The following NBPF3 variants were observed in gnomAD, a reference collection of about 807,000 sequenced individuals.
NBPF3 encodes NBPF member 3.
A neutral mutation model predicts 78.1 loss-of-function variants in NBPF3; 57 were observed. The ratio of observed to expected loss-of-function variants is 0.73; its 90% CI spans 0.59 to 0.91. The LOEUF is 0.91. Ranked by LOEUF, NBPF3 falls within the 40% of genes least tolerant of loss-of-function variation. The pLI is 0.00. For missense variants in NBPF3, 510 were observed against 715.3 expected (o/e 0.71, Z 3.27); for synonymous variants, 182 against 271.7 (o/e 0.67, Z 3.25).
intron 2 of NBPF3, among the ~76,000 whole-genome samples, chr1:21,448,304 A>T (rs1187149004): frequency 1.3e-5 from 2 of 151,938 alleles, no homozygotes; most frequent in Admixed American, 6.5e-5. Context: ...TATAAAGGGT[A>T]TAACATGCAT....
chr1:21,447,646 C>T (rs1249214699), intron 2 of NBPF3, among the ~76,000 whole-genome samples: 1 of 152,164 alleles, frequency 6.6e-6, no homozygotes, highest in African/African-American at 2.4e-5. Context: ...TTTATTCATT[C>T]ACTTGGTGAA....
chr1:21,466,539 C>T (rs1259604185), intron 2 of NBPF3, among the ~76,000 whole-genome samples: 1 of 152,240 alleles, frequency 6.6e-6, no homozygotes, highest in African/African-American at 2.4e-5. Context: ...TCTCATACTT[C>T]TCTTGTATAT....
intron 3 of NBPF3, among the ~76,000 whole-genome samples, chr1:21,469,780 C>G (rs770444524): frequency 6.6e-6 from 1 of 152,144 alleles, no homozygotes; most frequent in Non-Finnish European, 1.5e-5. Context: ...GGCACAGGCT[C>G]TTGTTCCTAA....
chr1:21,475,039 C>G, intron 8 of NBPF3, 88 bp downstream of exon 8: 1 of 1,135,692 alleles, frequency 8.8e-7, no homozygotes, highest in Non-Finnish European at 1.3e-6. Flanking sequence ...ATGAATAGAA[C>G]TTTTTATTCC....
At position 21,468,749 on chromosome 1, in the gene NBPF3, C is replaced by T. The variant is rs202194733; in HGVS notation, c.195C>T (p.Ser65=). Residue 65 remains serine, a synonymous_variant, in exon 3 of 15, where the codon TCC becomes TCT. Coordinates refer to ENST00000318249, the MANE Select transcript of NBPF3 (RefSeq NM_032264.6). ...TGGTGGTATCTGCCGGCCCTTGGTC[C>T]GGTGAGAAGGCAGAGATGAACATTC... The part of the protein sequence containing the change: ...VSMVVSAGPW[S]GEKAEMNILE... 17 of 1,613,716 alleles carry T rather than the reference C, an allele frequency of 1.1e-5. No individual in the cohort carries two copies. The African/African-American group carries it at 1.2e-4, about 11-fold the overall frequency.
At chr1:21,470,465 G>T (rs1642523462) in intron 3 of NBPF3, among the ~76,000 whole-genome samples, 167 bp from the exon 4 acceptor site, 1 of 152,224 alleles carries the variant, frequency 6.6e-6, no homozygotes, top group Non-Finnish European at 1.5e-5. Context: ...AGGATCAGCT[G>T]CCAGTAAGTC....
At chr1:21,469,603 T>C (rs1355760870) in intron 3 of NBPF3, among the ~76,000 whole-genome samples, 1 of 152,142 alleles carries the variant, frequency 6.6e-6, no homozygotes, top group African/African-American at 2.4e-5. Flanking sequence ...CGGGCGCCTG[T>C]AATCCCAGCT....
chr1:21,458,836 TC>T (rs1239381320), intron 2 of NBPF3, among the ~76,000 whole-genome samples: 2 of 152,220 alleles, frequency 1.3e-5, no homozygotes, highest in African/African-American at 4.8e-5. Context: ...TGGCAGTAGT[TC>T]CATTAGTGTA....
intron 8 of NBPF3, among the ~76,000 whole-genome samples, chr1:21,477,536 C>G (rs1035152537): frequency 6.6e-6 from 1 of 152,068 alleles, no homozygotes; most frequent in African/African-American, 2.4e-5. Context: ...CCCTCAGCAG[C>G]AGGTCTGGTG....
At chr1:21,448,482 A>G (rs1019007863) in intron 2 of NBPF3, among the ~76,000 whole-genome samples, 3 of 151,974 alleles carry the variant, frequency 2.0e-5, no homozygotes, top group Non-Finnish European at 4.4e-5. Context: ...TTTTCCACGA[A>G]TCTATTTGTG....
intron 2 of NBPF3, chr1:21,449,823 T>C (rs1641200867): frequency 2.6e-6 from 1 of 391,808 alleles, no homozygotes; most frequent in Admixed American, 6.4e-5. Flanking sequence ...GCCACACTCC[T>C]CGCATGCCTG....
At chr1:21,453,281 A>G (rs1451470800) in intron 2 of NBPF3, 2 of 151,996 alleles carry the variant, frequency 1.3e-5, no homozygotes, top group Non-Finnish European at 2.9e-5. Flanking sequence ...GTATCTGGCA[A>G]TAGCTGCATC....
rs200360894 is a variant in NBPF3 at position 21,471,649 on chromosome 1, C to T, written c.527C>T (p.Ser176Phe). Residue 176 changes from serine (S) to phenylalanine (F), a missense_variant, in exon 5 of 15, where the codon TCC (serine) becomes TTC (phenylalanine). Around this residue, in one of 5 missense-constraint regions of NBPF3, gnomAD observed 440 missense variants for 478.2 expected, o/e 0.92. Transcript: ENST00000318249. ...REKLQEGRDA[S>F]RSLNQHLQAL... ...AAGTTACAGGAAGGGAGAGATGCCT[C>T]CCGCTCATTGAATCAGCATCTCCAG... is the stretch of plus-strand genomic sequence containing the variant. 181 of 1,612,874 alleles carry T rather than the reference C, an allele frequency of 1.1e-4. No individual in the cohort carries two copies. The highest frequency in any genetic ancestry group is 1.5e-4 in the Non-Finnish European group (174 of 1,179,850).
At position 21,479,820 on chromosome 1, in the gene NBPF3, C is replaced by CTCTCTGTG. The variant is rs766796014; in HGVS notation, c.1209-230_1209-229insCTCTGTGT. Reference sequence around the variant, plus strand: ...TCTCTCTCTCTCTCTCTCTCTCTCTCTGTGTGTGTGTGTGTGTGTGTGTGT... The same window carrying CTCTCTGTG: ...TCTCTCTCTCTCTCTCTCTCTCTCTCTCTCTGTGTGTGTGTGTGTGTGTGTGTGTGTGT... On this transcript the variant is annotated intron_variant, in intron 10 of 14. Transcript: ENST00000318249. 1.1e-3 allele frequency among the ~76,000 whole-genome samples: 109 copies of CTCTCTGTG among 102,884 alleles called. 2 individuals are homozygous for CTCTCTGTG. Among genetic ancestry groups the CTCTCTGTG allele is most frequent in the African/African-American group, 3.4e-3 (102 of 29,776 alleles). The allele number at this position is 102,884 out of a possible 152,430, so 67.5% of individuals were successfully genotyped here. A position where few individuals can be genotyped will look rare whatever the true frequency, so the allele number is the denominator to read the frequency against.
chr1:21,437,926 G>A (rs1488527898), upstream of NBPF3, among the ~76,000 whole-genome samples: 1 of 151,824 alleles, frequency 6.6e-6, no homozygotes, highest in Non-Finnish European at 1.5e-5. Context: ...CCAGGTTTAA[G>A]CAATTCTCAC....
intron 2 of NBPF3, among the ~76,000 whole-genome samples, chr1:21,465,110 A>C (rs2147965752): frequency 6.6e-6 from 1 of 152,176 alleles, no homozygotes; most frequent in African/African-American, 2.4e-5. Flanking sequence ...AAGAAGTTAA[A>C]TTCCAGAAGA....
chr1:21,450,452 A>G (rs1641244256), intron 2 of NBPF3, among the ~76,000 whole-genome samples: 1 of 152,326 alleles, frequency 6.6e-6, no homozygotes, highest in South Asian at 2.1e-4. Context: ...TCATGCAGGT[A>G]ACCTCACCAG....
At chr1:21,467,808 G>A (rs1392850038) in intron 2 of NBPF3, among the ~76,000 whole-genome samples, 1 of 152,212 alleles carries the variant, frequency 6.6e-6, no homozygotes, top group Non-Finnish European at 1.5e-5. Context: ...AGTATAAAAT[G>A]TAGCGCTCAG....
In NBPF3 at chr1:21,445,029, G is replaced by A. The variant is rs1029722873; in HGVS notation, c.-58G>A. 6.5e-5 allele frequency: 100 copies of A among 1,548,608 alleles called. 1 individual carries two copies. The highest frequency in any genetic ancestry group is 2.2e-4 in the South Asian group (18 of 83,194). Reference sequence around the variant, plus strand: ...TCTCACCAGCCAATTGTCCCTTGCCGTCCTCCTGAGGGTATCTGGAGCTTC... The same window carrying A: ...TCTCACCAGCCAATTGTCCCTTGCCATCCTCCTGAGGGTATCTGGAGCTTC... On this transcript the variant is annotated 5_prime_UTR_variant, in exon 2 of 15. Coordinates refer to ENST00000318249, the MANE Select transcript of NBPF3 (RefSeq NM_032264.6).
Sources: allele counts gnomAD v4.1 joint callset (sites outside exome capture counted in the v4.1 genomes callset), GRCh38; gene constraint gnomAD v4.1.1; regional missense constraint gnomAD v4.1.1; transcripts MANE v1.5; gene names NCBI Gene and HGNC (gene_info 2026-07-23, HGNC 2026-07-21).